The following ADGB variants were observed in gnomAD, a reference collection of about 807,000 sequenced individuals.
The protein encoded by ADGB is calpain-7-like protein.
Under a neutral mutation model 210.5 loss-of-function variants are expected in ADGB, and 172 were observed. The ratio of observed to expected loss-of-function variants is 0.82; its 90% confidence interval spans 0.72 to 0.93. The LOEUF is 0.93. ADGB is among the 40% of genes least tolerant of loss of function. ADGB has a pLI of 0.00. For synonymous variants in ADGB, 658 were observed against 662.7 expected, an observed-to-expected ratio of 0.99 and a Z score of 0.11; for missense variants, 2,025 against 1,964.8, an observed-to-expected ratio of 1.03 and a Z score of -0.58.
At chr6:146,695,584 C>T (rs1208036985) in intron 12 of ADGB, among the ~76,000 whole-genome samples, 1 of 151,444 alleles carries the variant, frequency 6.6e-6, no homozygotes, top group African/African-American at 2.4e-5. Context: ...GCACATGGGG[C>T]TATGTAAAAT....
chr6:146,738,338 C>T (rs12204437), intron 23 of ADGB, among the ~76,000 whole-genome samples: 1 of 151,368 alleles, frequency 6.6e-6, no homozygotes, highest in Non-Finnish European at 1.5e-5. Context: ...ATTCTCAACT[C>T]TGAAGGGGAA....
At chr6:146,628,473 A>T (rs929610516) in intron 1 of ADGB, among the ~76,000 whole-genome samples, 1 of 152,144 alleles carries the variant, frequency 6.6e-6, no homozygotes, top group African/African-American at 2.4e-5. Context: ...GAGCAAAGTC[A>T]ACACTGACTA....
At position 146,685,887 on chromosome 6, in the gene ADGB, G is replaced by C. The variant is rs1042199063; in HGVS notation, c.1311+59G>C. ...ATTTTGTGTGTGTGGGTGCACGTGT[G>C]TGTGTGATTACTTGCTGTGGTAGAA... On this transcript the variant is annotated intron_variant, in intron 10 of 35. Coordinates refer to ENST00000397944, the MANE Select transcript of ADGB (RefSeq NM_024694.4). 1.4e-5 allele frequency: 15 copies of C among 1,040,976 alleles called. No homozygotes were observed. In the Admixed American group the frequency reaches 2.7e-4, roughly 19 times the overall value. 64.5% of individuals were successfully genotyped at this position (1,040,976 alleles called of 1,614,324 possible).
Position 146,692,902 on chromosome 6 carries a change from A to G in ADGB, c.1564A>G (p.Ile522Val), listed in dbSNP as rs1287714401. 6.6e-7 allele frequency: 1 copy of G among 1,507,852 alleles called. No individual in the cohort carries two copies. Among genetic ancestry groups the G allele is most frequent in the South Asian group, 1.2e-5 (1 of 81,722 alleles). The allele number at this position is 1,507,852 out of a possible 1,614,324, so 93.4% of individuals were successfully genotyped here. A position where few individuals can be genotyped will look rare whatever the true frequency, so the allele number is the denominator to read the frequency against. ...GAATTATAGAATGACTCCATTTACA[A>G]TTCCAACAGAAATGTAAGTATTAAC... ...FLNYRMTPFT[I>V]PTEMHFVRSL... is the part of the protein sequence containing the mutation. The change falls in exon 12 of 36, where the codon ATT (isoleucine) becomes GTT (valine). Residue 522 changes from isoleucine (I) to valine (V), a missense_variant. Transcript: ENST00000397944.
intron 35 of ADGB, chr6:146,802,724 G>C: frequency 3.5e-6 from 5 of 1,422,106 alleles, no homozygotes; most frequent in Non-Finnish European, 4.8e-6. Flanking sequence ...TCTCAGACGA[G>C]ACTTTTTTTG....
chr6:146,653,232 C>T (rs926621285), intron 3 of ADGB, among the ~76,000 whole-genome samples: 6 of 151,914 alleles, frequency 3.9e-5, no homozygotes, highest in East Asian at 1.9e-4. Context: ...TCAGGGTTCC[C>T]GCTGATGCTA....
At chr6:146,768,272 T>C (rs997787319) in intron 28 of ADGB, among the ~76,000 whole-genome samples, 2 of 152,174 alleles carry the variant, frequency 1.3e-5, no homozygotes, top group African/African-American at 4.8e-5. Flanking sequence ...TAGGAATGAA[T>C]AGCAATTCAC....
intron 3 of ADGB, among the ~76,000 whole-genome samples, chr6:146,650,751 C>G (rs1370773748): frequency 1.3e-5 from 2 of 151,696 alleles, no homozygotes; most frequent in Non-Finnish European, 2.9e-5. Flanking sequence ...GAGACCATTT[C>G]AAAGCACCCT....
At chr6:146,675,899 G>A (rs1161233560) in intron 8 of ADGB, among the ~76,000 whole-genome samples, 5 of 152,148 alleles carry the variant, frequency 3.3e-5, no homozygotes, top group Non-Finnish European at 7.4e-5. Flanking sequence ...TTTCCTGTAA[G>A]TGGAGGACCC....
intron 10 of ADGB, 119 bp downstream of exon 10, chr6:146,685,947 G>A: frequency 1.8e-6 from 1 of 543,958 alleles, no homozygotes; most frequent in Non-Finnish European, 3.0e-6. Context: ...TCTATCTGTG[G>A]ATGTCAGTTT....
chr6:146,706,094 T>A (rs6939355), intron 13 of ADGB, among the ~76,000 whole-genome samples: 9,379 of 149,506 alleles, frequency 0.063, 928 homozygotes, highest in African/African-American at 0.21. Context: ...TTGGTTAATT[T>A]AAAAAAAAAA....
rs373320930 is a variant in ADGB at position 146,631,990 on chromosome 6, T to A, written c.75-3385T>A. 1.3e-4 allele frequency among the ~76,000 whole-genome samples: 19 copies of A among 151,924 alleles called. 1 individual carries two copies. Among genetic ancestry groups the A allele is most frequent in the African/African-American group, 4.3e-4 (18 of 41,430 alleles). ...AAAAAAAAAAAAAACAAAAAAAACC[T>A]TCACTTGGTTTCCAAGGTATCGCCT... is the stretch of plus-strand genomic sequence containing the variant. On this transcript the variant is annotated intron_variant, in intron 1 of 35. Transcript: ENST00000397944.
chr6:146,611,538 G>T (rs1780711181), intron 1 of ADGB, among the ~76,000 whole-genome samples: 1 of 152,162 alleles, frequency 6.6e-6, no homozygotes, highest in Non-Finnish European at 1.5e-5. Context: ...CATGGCAAGA[G>T]TGGACCACTC....
chr6:146,786,062 A>T (rs1777868674), intron 32 of ADGB, among the ~76,000 whole-genome samples: 2 of 150,586 alleles, frequency 1.3e-5, no homozygotes, highest in African/African-American at 4.9e-5. Context: ...CTATATTATT[A>T]TTAGAAAGGT....
In ADGB at chr6:146,741,169, T is replaced by A; in HGVS notation, c.3075T>A (p.Thr1025=). 6.5e-7 allele frequency: 1 copy of A among 1,550,152 alleles called. No homozygotes were observed. Among genetic ancestry groups the A allele is most frequent in the Non-Finnish European group, 8.7e-7 (1 of 1,146,248 alleles). Residue 1025 remains threonine, a synonymous_variant, in exon 25 of 36, where the codon ACT becomes ACA. Coordinates refer to ENST00000397944, the MANE Select transcript of ADGB (RefSeq NM_024694.4). The part of the protein sequence containing the change: ...QDMILVPKVY[T]TLPICILHIV... ...TGATTTTGGTTCCCAAAGTATATAC[T>A]ACACTTCCAATCTGTATCCTACACA...
At chr6:146,695,379 CAGTT>C (rs1776388585) in intron 12 of ADGB, among the ~76,000 whole-genome samples, 1 of 151,802 alleles carries the variant, frequency 6.6e-6, no homozygotes, top group Non-Finnish European at 1.5e-5. Context: ...AAGACATTAA[CAGTT>C]AGCATATGGG....
chr6:146,728,266 A>G (rs1205248536), intron 19 of ADGB, among the ~76,000 whole-genome samples: 1 of 152,066 alleles, frequency 6.6e-6, no homozygotes, highest in Admixed American at 6.5e-5. Context: ...AACTCCACAC[A>G]GTTTTTTGTC....
chr6:146,712,389 G>A (rs1042726663), intron 13 of ADGB, among the ~76,000 whole-genome samples: 1 of 152,046 alleles, frequency 6.6e-6, no homozygotes, highest in Non-Finnish European at 1.5e-5. Context: ...GTTTTGCCAT[G>A]TTGGCCAGGC....
At chr6:146,751,476 G>A (rs113569483) in intron 26 of ADGB, among the ~76,000 whole-genome samples, 7,768 of 152,090 alleles carry the variant, frequency 0.051, 213 homozygotes, top group Middle Eastern at 0.071. Context: ...AATGATTTAT[G>A]TTTCTCTGGG....
Sources: gnomAD v4.1 joint callset for allele counts (sites outside exome capture counted in the v4.1 genomes callset) on GRCh38, gnomAD v4.1.1 for gene constraint, MANE v1.5 for transcripts, NCBI Gene and HGNC (gene_info 2026-07-23, HGNC 2026-07-21) for gene names.